Variants in TMPRSS5 observed in about 807,000 individuals in gnomAD.
TMPRSS5 encodes the protein transmembrane protease serine 5.
In TMPRSS5, 45 loss-of-function variants were observed where a neutral mutation model predicts 59.7. The ratio of observed to expected loss-of-function variants is 0.75; its 90% confidence interval spans 0.59 to 0.97. TMPRSS5 has a LOEUF of 0.97. TMPRSS5 is among the 50% of genes least tolerant of loss of function. The pLI is 0.00. For synonymous variants in TMPRSS5, 225 were observed against 232.0 expected, an observed-to-expected ratio of 0.97 and a Z score of 0.27; for missense variants, 585 against 596.7, an observed-to-expected ratio of 0.98 and a Z score of 0.20.
At position 113,690,277 on chromosome 11, in the gene TMPRSS5, C is replaced by CG. The variant is rs765015736; in HGVS notation, c.1159dup (p.Arg387ProfsTer13). ...GTCCAGGTAGCCAGCGCAAAGCATGCGGGGGGTGAGGGCTCCGCTGTACAC... is the reference window on the plus strand; with the variant it reads ...GTCCAGGTAGCCAGCGCAAAGCATGCGGGGGGGTGAGGGCTCCGCTGTACAC... On this transcript the variant is annotated frameshift_variant, in exon 11 of 13. Transcript: ENST00000299882. LOFTEE classifies it high-confidence loss of function. 2.4e-5 allele frequency: 37 copies of CG among 1,567,120 alleles called. No homozygotes were observed. The highest frequency in any genetic ancestry group is 9.5e-5 in the Admixed American group (5 of 52,410).
intron 9 of TMPRSS5, 185 bp from the exon 10 acceptor site, chr11:113,691,124 G>T (rs1413629974): frequency 1.7e-6 from 1 of 592,814 alleles, no homozygotes; most frequent in Non-Finnish European, 3.1e-6. Context: ...CATCTTTGGG[G>T]TCCCCTGTCA....
chr11:113,689,365 AC>A (rs1180037411), intron 12 of TMPRSS5, among the ~76,000 whole-genome samples: 2 of 152,128 alleles, frequency 1.3e-5, no homozygotes, highest in African/African-American at 4.8e-5. Flanking sequence ...TCAAAAAAAA[AC>A]AAAAAACACT....
At chr11:113,702,137 G>A (rs973283136) in intron 1 of TMPRSS5, among the ~76,000 whole-genome samples, 3 of 152,150 alleles carry the variant, frequency 2.0e-5, no homozygotes, top group African/African-American at 7.2e-5. Flanking sequence ...TTTTATGGCT[G>A]CATAGTATTC....
Position 113,706,299 on chromosome 11 carries a change from G to T in TMPRSS5, c.-75C>A. 2 of 1,555,056 alleles carry T rather than the reference G, an allele frequency of 1.3e-6. No homozygotes were observed. Among genetic ancestry groups the T allele is most frequent in the Non-Finnish European group, 1.7e-6 (2 of 1,143,288 alleles). ...CCGCTCCTGTTCTCAGGCCAGCATT[G>T]ATTAAAGCTAGCCCAGCAAGCTTGG... On this transcript the variant is annotated 5_prime_UTR_variant, in exon 1 of 13. Coordinates refer to ENST00000299882, the MANE Select transcript of TMPRSS5 (RefSeq NM_030770.4).
In TMPRSS5 at chr11:113,689,930, G is replaced by T; in HGVS notation, c.1207-13C>A. 1 of 1,532,918 alleles carries T rather than the reference G, an allele frequency of 6.5e-7. No homozygotes were observed. Among genetic ancestry groups the T allele is most frequent in the East Asian group, 2.4e-5 (1 of 40,976 alleles). The allele number at this position is 1,532,918 out of a possible 1,614,324, so 95.0% of individuals were successfully genotyped here. A position where few individuals can be genotyped will look rare whatever the true frequency, so the allele number is the denominator to read the frequency against. ...CCCCGCTATCTCCCTAAGGGATCCAGGCATGGAGACACAGAGAAACAGCCA... is the reference window on the plus strand; with the variant it reads ...CCCCGCTATCTCCCTAAGGGATCCATGCATGGAGACACAGAGAAACAGCCA... On this transcript the variant is annotated splice_polypyrimidine_tract_variant and intron_variant, in intron 11 of 12. Transcript: ENST00000299882.
chr11:113,691,060 C>A, intron 9 of TMPRSS5, 121 bp from the exon 10 acceptor site: 1 of 907,642 alleles, frequency 1.1e-6, no homozygotes, highest in Non-Finnish European at 1.7e-6. Flanking sequence ...AGTCCTGGCT[C>A]CTGGGTTCCA....
intron 5 of TMPRSS5, 45 bp from the exon 6 acceptor site, chr11:113,697,016 A>C (rs1952947046): frequency 7.1e-7 from 1 of 1,414,544 alleles, no homozygotes. Context: ...CATAACTGGA[A>C]TATGTACGAG....
intron 1 of TMPRSS5, among the ~76,000 whole-genome samples, chr11:113,700,376 A>G (rs1194206685): frequency 1.3e-5 from 2 of 152,044 alleles, no homozygotes; most frequent in Non-Finnish European, 1.5e-5. Flanking sequence ...AACCCCAATG[A>G]CCTTACTCTC....
At chr11:113,694,244 CA>C (rs1285209758) in intron 8 of TMPRSS5, 6,815 of 204,002 alleles carry the variant, frequency 0.033, no homozygotes, top group Middle Eastern at 0.042. Context: ...GACTCTGTCT[CA>C]AAAAAAAAAA....
chr11:113,696,910 CA>C lies in TMPRSS5; in HGVS notation c.525del (p.Phe175LeufsTer44). 1 of 1,579,862 alleles carries C rather than the reference CA, an allele frequency of 6.3e-7. No individual in the cohort carries two copies. The highest frequency in any genetic ancestry group is 8.6e-7 in the Non-Finnish European group (1 of 1,162,046). On this transcript the variant is annotated frameshift_variant, in exon 6 of 13. Coordinates refer to ENST00000299882, the MANE Select transcript of TMPRSS5 (RefSeq NM_030770.4). LOFTEE classifies it high-confidence loss of function. Reference sequence around the variant, plus strand: ...CCTCCCAGTCTAGGAGAGAGCTGAGCAAACTCCTGGGAACTGTTGAGTTTGA... The same window carrying C: ...CCTCCCAGTCTAGGAGAGAGCTGAGCAACTCCTGGGAACTGTTGAGTTTGA... ...TDIKLNSSQEFAQLSPRLGGF... is the reference protein window; with the variant it reads ...TDIKLNSSQEXAQLSPRLGGF...
intron 3 of TMPRSS5, among the ~76,000 whole-genome samples, chr11:113,699,270 T>TCTCTCCC (rs1565263815): frequency 5.4e-5 from 3 of 55,812 alleles, no homozygotes; most frequent in East Asian, 5.7e-4. Context: ...TCTCTCTCTC[T>TCTCTCCC]CCCTCTCTCT....
At chr11:113,691,289 C>G (rs928110017) in intron 9 of TMPRSS5, among the ~76,000 whole-genome samples, 3 of 152,194 alleles carry the variant, frequency 2.0e-5, no homozygotes, top group Admixed American at 1.3e-4. Context: ...TTTCCAAAAA[C>G]GTGACATATC....
chr11:113,688,270 GAGTCCT>G lies in TMPRSS5; in HGVS notation c.1360-2_1363del. On this transcript the variant is annotated splice_acceptor_variant and coding_sequence_variant, in exon 13 of 13. Transcript: ENST00000299882. LOFTEE classifies it high-confidence loss of function. ...AGGAAACAGCAGGACTCAGAGGAGG[GAGTCCT>G]AGACCAAAAGGGAAAGGAACTGATT... 6.3e-7 allele frequency: 1 copy of G among 1,580,224 alleles called. No homozygotes were observed. The highest frequency in any genetic ancestry group is 8.6e-7 in the Non-Finnish European group (1 of 1,162,908).
rs772447344 is a variant in TMPRSS5, at chr11:113,690,949, G to A, written c.965-10C>T. On this transcript the variant is annotated splice_polypyrimidine_tract_variant and intron_variant, in intron 9 of 12. Transcript: ENST00000299882. ...ACAGCGCCCACAGTGTCTGTAGAGAGGCACATGGTCCTGGTCCCCAGTCAG... is the reference window on the plus strand; with the variant it reads ...ACAGCGCCCACAGTGTCTGTAGAGAAGCACATGGTCCTGGTCCCCAGTCAG... 1.2e-5 allele frequency: 19 copies of A among 1,574,674 alleles called. 1 individual carries two copies. The South Asian group carries it at 2.0e-4, about 16-fold the overall frequency.
At chr11:113,692,887 A>G (rs1952821759) in intron 9 of TMPRSS5, among the ~76,000 whole-genome samples, 184 bp downstream of exon 9, 1 of 152,182 alleles carries the variant, frequency 6.6e-6, no homozygotes, top group Admixed American at 6.5e-5. Flanking sequence ...GAGCCTGTAC[A>G]AGAGTTGATA....
At chr11:113,694,244 C>CAAA (rs1285209758) in intron 8 of TMPRSS5, 4,412 of 203,208 alleles carry the variant, frequency 0.022, no homozygotes, top group Middle Eastern at 0.03. Flanking sequence ...GACTCTGTCT[C>CAAA]AAAAAAAAAA....
intron 11 of TMPRSS5, 51 bp downstream of exon 11, chr11:113,690,180 T>TCCCCCCCCCCCCCCCCC: frequency 5.3e-6 from 1 of 187,986 alleles, no homozygotes. Flanking sequence ...CCCCCTGCCC[T>TCCCCCCCCCCCCCCCCC]CCCACCCCCA....
intron 8 of TMPRSS5, 129 bp from the exon 9 acceptor site, chr11:113,693,378 C>G (rs892385901): frequency 1.3e-4 from 123 of 976,414 alleles, no homozygotes; most frequent in Middle Eastern, 3.3e-4. Context: ...GGTGAGCTCC[C>G]AGGCCCCACA....
rs1171885822 is a variant in TMPRSS5, at chr11:113,693,210, C to T, written c.825G>A (p.Ala275=). The T allele has an allele frequency of 5.0e-6, 8 of 1,587,146 alleles. No individual in the cohort carries two copies. The highest frequency in any genetic ancestry group is 3.5e-5 in the Admixed American group (2 of 57,330). Residue 275 remains alanine (A), a synonymous_variant, in exon 9 of 13, where the codon GCG becomes GCA. Coordinates refer to ENST00000299882, the MANE Select transcript of TMPRSS5 (RefSeq NM_030770.4). ...LARLSSWRVH[A]GLVSHSAVRP... is the part of the protein sequence containing the mutation. ...TGACGGCACTGTGGCTGACCAGCCC[C>T]GCATGAACCCGCCAGCTGGACAGGC...
Sources: allele counts gnomAD v4.1 joint callset (sites outside exome capture counted in the v4.1 genomes callset), GRCh38; gene constraint gnomAD v4.1.1; transcripts MANE v1.5; gene names NCBI Gene and HGNC (gene_info 2026-07-23, HGNC 2026-07-21).